The following MXRA7 variants were observed in gnomAD, a reference collection of about 807,000 sequenced individuals.
The protein encoded by MXRA7 is matrix remodeling associated 7.
MXRA7 carries 18 observed loss-of-function variants against 17.4 expected under a neutral mutation model. That is an observed-to-expected ratio of 1.03 (90% confidence interval 0.71 to 1.53). The LOEUF is 1.53. MXRA7 is among the 40% of genes most tolerant of loss of function. The pLI is 0.00. For missense variants in MXRA7, 141 were observed against 209.3 expected (o/e 0.67, Z 2.01); for synonymous variants, 70 against 101.7 (o/e 0.69, Z 1.87).
chr17:76,706,000 C>A (rs2076650168), intron 1 of MXRA7, among the ~76,000 whole-genome samples: 2 of 149,770 alleles, frequency 1.3e-5, no homozygotes, highest in Admixed American at 1.3e-4. Context: ...GCCCACACTG[C>A]CATCACAGAG....
intron 3 of MXRA7, among the ~76,000 whole-genome samples, chr17:76,683,156 T>C (rs2076331444): frequency 6.6e-6 from 1 of 152,214 alleles, no homozygotes; most frequent in Non-Finnish European, 1.5e-5. Context: ...CTGGCAGTTG[T>C]GTCCAGCCCC....
downstream of MXRA7, chr17:76,677,771 G>T: frequency 8.9e-7 from 1 of 1,123,268 alleles, no homozygotes; most frequent in Non-Finnish European, 1.4e-6. Context: ...GAGCCTGTGT[G>T]CAGCCGGCGG....
At chr17:76,690,777 G>T (rs892207893) in intron 1 of MXRA7, among the ~76,000 whole-genome samples, 9 of 151,984 alleles carry the variant, frequency 5.9e-5, no homozygotes, top group Non-Finnish European at 7.4e-5. Context: ...GTGCAATCAC[G>T]GCTCACTGCA....
chr17:76,690,565 C>T (rs2143633221), intron 1 of MXRA7, among the ~76,000 whole-genome samples: 1 of 152,086 alleles, frequency 6.6e-6, no homozygotes, highest in East Asian at 1.9e-4. Context: ...TAAAAATTAG[C>T]TGTGCATGGT....
chr17:76,692,106 T>C (rs1010297963), intron 1 of MXRA7, among the ~76,000 whole-genome samples: 2 of 151,960 alleles, frequency 1.3e-5, no homozygotes, highest in African/African-American at 4.8e-5. Flanking sequence ...TCACAGCACA[T>C]TGGGAGGCCG....
chr17:76,705,938 T>C (rs1211264202), intron 1 of MXRA7, among the ~76,000 whole-genome samples: 1 of 152,242 alleles, frequency 6.6e-6, no homozygotes, highest in Non-Finnish European at 1.5e-5. Context: ...CTACTTGGCT[T>C]CTGAGATTTT....
chr17:76,703,164 C>T (rs1023248924), intron 1 of MXRA7, among the ~76,000 whole-genome samples: 3 of 151,912 alleles, frequency 2.0e-5, no homozygotes, highest in African/African-American at 7.3e-5. Flanking sequence ...AAGAATCAGG[C>T]CAGGAGAAAA....
downstream of MXRA7, chr17:76,675,190 C>G (rs1009095076): frequency 2.0e-5 from 3 of 152,010 alleles, no homozygotes; most frequent in Admixed American, 2.0e-4. Context: ...CTCAAGTACA[C>G]GAGTCATTCC....
chr17:76,689,643 A>C (rs943214779), intron 1 of MXRA7: 1 of 152,144 alleles, frequency 6.6e-6, no homozygotes, highest in Admixed American at 6.6e-5. Context: ...ACTTCTAGGG[A>C]TCTGCTCCAG....
chr17:76,677,056 G>A (rs2076246097), downstream of MXRA7: 1 of 153,206 alleles, frequency 6.5e-6, no homozygotes. Context: ...ACTTTGGGAG[G>A]CCAAGGTGGG....
chr17:76,691,653 G>A (rs1052292424), intron 1 of MXRA7, among the ~76,000 whole-genome samples: 2 of 152,138 alleles, frequency 1.3e-5, no homozygotes, highest in Non-Finnish European at 2.9e-5. Context: ...TGCAGGGGTG[G>A]GGCTGGCTGC....
rs1349865121 is a variant in MXRA7, at chr17:76,681,022, ACTG to A, written c.501-146_501-144del. 81 of 726,008 alleles carry A rather than the reference ACTG, an allele frequency of 1.1e-4. No homozygotes were observed. The highest frequency in any genetic ancestry group is 1.6e-4 in the Non-Finnish European group (67 of 426,836). The allele number at this position is 726,008 out of a possible 1,614,324, so 45.0% of individuals were successfully genotyped here. A position where few individuals can be genotyped will look rare whatever the true frequency, so the allele number is the denominator to read the frequency against. On this transcript the variant is annotated intron_variant, in intron 3 of 3. Transcript: ENST00000449428. The surrounding 1 kb of genome is among the most constrained non-coding windows in gnomAD (Gnocchi z 4.7). Reference sequence around the variant, plus strand: ...GCGCTAGACTCTGGTTTCTCAAACCACTGCTGATTTGCTTCTCATCGCTTGCAG... The same window carrying A: ...GCGCTAGACTCTGGTTTCTCAAACCACTGATTTGCTTCTCATCGCTTGCAG...
chr17:76,684,997 G>T, intron 3 of MXRA7, 75 bp downstream of exon 3: 1 of 1,248,848 alleles, frequency 8.0e-7, no homozygotes, highest in Non-Finnish European at 1.2e-6. Flanking sequence ...CAAGGGGCAG[G>T]AACATGAAGG....
intron 3 of MXRA7, among the ~76,000 whole-genome samples, chr17:76,683,448 G>A (rs1035035792): frequency 6.6e-6 from 1 of 152,230 alleles, no homozygotes; most frequent in African/African-American, 2.4e-5. Context: ...CGTTCTCAGA[G>A]TATCTGCTGT....
At chr17:76,677,804 G>A, downstream of MXRA7, 2 of 752,426 alleles carry the variant, frequency 2.7e-6, no homozygotes, top group South Asian at 3.0e-5. Context: ...CCTCTCTCTT[G>A]TGTGACTGCG....
chr17:76,679,427 G>A (rs975665545), downstream of MXRA7: 9 of 179,654 alleles, frequency 5.0e-5, no homozygotes, highest in Non-Finnish European at 9.6e-5. Context: ...CATGGTGACT[G>A]CATATTTTTT....
downstream of MXRA7, among the ~76,000 whole-genome samples, chr17:76,679,290 A>AAAAAGGGG (rs1023265537): frequency 7.1e-5 from 10 of 140,548 alleles, no homozygotes; most frequent in African/African-American, 3.0e-4. Flanking sequence ...CCTGTCTCAA[A>AAAAAGGGG]AAAAAAAAAA....
At chr17:76,688,934 G>A in intron 1 of MXRA7, 2 of 260,394 alleles carry the variant, frequency 7.7e-6, no homozygotes, top group Middle Eastern at 1.0e-3. Flanking sequence ...ATGGAGCCCA[G>A]CCAGCGTCGG....
chr17:76,688,203 C>T lies in MXRA7; in HGVS notation c.343-27G>A, dbSNP rs1461972734. 7 of 1,613,744 alleles carry T rather than the reference C, an allele frequency of 4.3e-6. No homozygotes were observed. In the African/African-American group the frequency reaches 8.0e-5, roughly 18 times the overall value. On this transcript the variant is annotated intron_variant, in intron 1 of 3. Transcript: ENST00000449428. ...TGCAAGACAAGGACAGGGTCAGTGCCCTTGGCACAGACTGGGTGATGGGAA... is the reference window on the plus strand; with the variant it reads ...TGCAAGACAAGGACAGGGTCAGTGCTCTTGGCACAGACTGGGTGATGGGAA...
Sources: allele counts gnomAD v4.1 joint callset (sites outside exome capture counted in the v4.1 genomes callset), GRCh38; gene constraint gnomAD v4.1.1; non-coding constraint Gnocchi (gnomAD v3.1); transcripts MANE v1.5; gene names NCBI Gene and HGNC (gene_info 2026-07-23, HGNC 2026-07-21).